Variants in DET1 observed in about 807,000 individuals in gnomAD.
DET1 encodes the protein DET1 homolog.
A neutral mutation model predicts 43.7 loss-of-function variants in DET1; 22 were observed. The observed-to-expected ratio is 0.50, with a 90% CI of 0.36 to 0.72. The LOEUF is 0.72. Ranked by LOEUF, DET1 falls within the 30% of genes least tolerant of loss-of-function variation. DET1 has a pLI of 0.00. For missense variants in DET1, 713 were observed against 713.3 expected (o/e 1.00, Z 0.00); for synonymous variants, 315 against 266.2 (o/e 1.18, Z -1.79).
downstream of DET1, among the ~76,000 whole-genome samples, chr15:88,510,284 G>A (rs2056183590): frequency 6.6e-6 from 1 of 152,142 alleles, no homozygotes. Context: ...GGAGGAAAGT[G>A]CAAATTAAGT....
At chr15:88,524,116 C>G (rs1244224353) in intron 3 of DET1, among the ~76,000 whole-genome samples, 1 of 151,972 alleles carries the variant, frequency 6.6e-6, no homozygotes, top group Non-Finnish European at 1.5e-5. Context: ...TGAGGAGTGC[C>G]TCTGCCCGGC....
At chr15:88,525,991 A>G (rs1370739315) in intron 3 of DET1, among the ~76,000 whole-genome samples, 2 of 152,104 alleles carry the variant, frequency 1.3e-5, no homozygotes, top group Admixed American at 1.3e-4. Flanking sequence ...CTTGTTAATT[A>G]TCTGCTTAAT....
chr15:88,528,793 C>T (rs578158912), intron 2 of DET1, among the ~76,000 whole-genome samples: 3 of 152,316 alleles, frequency 2.0e-5, no homozygotes, highest in South Asian at 2.1e-4. Context: ...TGGAGCCATT[C>T]GACCCACCTG....
At position 88,526,418 on chromosome 15, in the gene DET1, C is replaced by A. The variant is rs180825907; in HGVS notation, c.1271+1181G>T. ...ATTTAGGCCCTTGGCCCAAAGGAAC[C>A]ATTTGTTTCATAATAATGCACTATG... On this transcript the variant is annotated intron_variant, in intron 3 of 4. Transcript: ENST00000268148. Among the ~76,000 whole-genome samples the A allele has an allele frequency of 3.8e-3, 576 of 152,256 alleles. 4 individuals carry two copies. The highest frequency in any genetic ancestry group is 0.013 in the African/African-American group (541 of 41,518).
intron 3 of DET1, among the ~76,000 whole-genome samples, chr15:88,525,681 A>T (rs2056642239): frequency 6.6e-6 from 1 of 151,876 alleles, no homozygotes; most frequent in African/African-American, 2.4e-5. Flanking sequence ...TTTGTTTTTG[A>T]GGCAGGGTCT....
downstream of DET1, among the ~76,000 whole-genome samples, chr15:88,508,434 T>G (rs1389405510): frequency 6.6e-6 from 1 of 152,214 alleles, no homozygotes; most frequent in Non-Finnish European, 1.5e-5. Context: ...CCAGAAATTT[T>G]GGGTCTTCTG....
intron 2 of DET1, among the ~76,000 whole-genome samples, chr15:88,528,026 C>T (rs1258484919): frequency 1.3e-5 from 2 of 152,158 alleles, no homozygotes; most frequent in African/African-American, 4.8e-5. Context: ...CTCAATGTTG[C>T]CAGATTTTCC....
intron 1 of DET1, among the ~76,000 whole-genome samples, chr15:88,534,474 T>C (rs904383349): frequency 6.6e-6 from 1 of 152,152 alleles, no homozygotes; most frequent in African/African-American, 2.4e-5. Context: ...CAAGGAAGGA[T>C]AATTAAAGCC....
At chr15:88,525,307 A>G (rs1002232387) in intron 3 of DET1, among the ~76,000 whole-genome samples, 1 of 152,238 alleles carries the variant, frequency 6.6e-6, no homozygotes, top group African/African-American at 2.4e-5. Flanking sequence ...AAATCGACTT[A>G]AAAATATGTG....
intron 1 of DET1, among the ~76,000 whole-genome samples, chr15:88,539,677 C>T (rs755239105): frequency 4.8e-4 from 73 of 152,238 alleles, no homozygotes; most frequent in South Asian, 4.1e-4. Context: ...AATTTCTCAT[C>T]GGTTGTTCAG....
At chr15:88,545,174 A>C (rs1442163475) in intron 1 of DET1, among the ~76,000 whole-genome samples, 1 of 152,172 alleles carries the variant, frequency 6.6e-6, no homozygotes, top group East Asian at 1.9e-4. Context: ...TATGTACTAA[A>C]AAAAAAATTG....
At chr15:88,545,007 A>G (rs934466718) in intron 1 of DET1, among the ~76,000 whole-genome samples, 2 of 152,086 alleles carry the variant, frequency 1.3e-5, no homozygotes, top group South Asian at 4.1e-4. Flanking sequence ...GAACTCCAAA[A>G]TGTTGACTTT....
downstream of DET1, among the ~76,000 whole-genome samples, chr15:88,507,724 C>T (rs1485340024): frequency 6.6e-6 from 1 of 152,166 alleles, no homozygotes; most frequent in Non-Finnish European, 1.5e-5. Flanking sequence ...GCCCTATGAG[C>T]GTACTCAAAA....
chr15:88,535,438 G>GA (rs36091832), intron 1 of DET1, among the ~76,000 whole-genome samples: 62,584 of 143,596 alleles, frequency 0.44, 13,995 homozygotes, highest in East Asian at 0.64. Context: ...AGAATGCTAA[G>GA]AAAAAAAAAA....
intron 3 of DET1, among the ~76,000 whole-genome samples, chr15:88,525,596 C>T (rs528015989): frequency 6.6e-6 from 1 of 152,268 alleles, no homozygotes; most frequent in East Asian, 1.9e-4. Context: ...AAAATCCCTG[C>T]CCTCATGGAG....
chr15:88,508,586 C>G (rs2056166291), downstream of DET1, among the ~76,000 whole-genome samples: 1 of 152,102 alleles, frequency 6.6e-6, no homozygotes. Context: ...GGTATAGAGA[C>G]AAATCAGCTA....
chr15:88,518,076 C>T (rs761112207), intron 3 of DET1, among the ~76,000 whole-genome samples: 38 of 151,116 alleles, frequency 2.5e-4, no homozygotes, highest in Non-Finnish European at 4.9e-4. Flanking sequence ...GTAGCCAGGA[C>T]GACAGGTGCG....
rs1168101241 is a variant in DET1, at chr15:88,531,338, C to T, written c.368G>A (p.Arg123His). Residue 123 changes from arginine (R) to histidine (H), a missense_variant, in exon 2 of 5, where the codon CGC becomes CAC. Transcript: ENST00000268148. The surrounding 1 kb of genome is among the most constrained non-coding windows in gnomAD (Gnocchi z 6.2). Reference protein sequence around the residue: ...SVNIRGRLFERFFVLLHITNV... With the variant: ...SVNIRGRLFEHFFVLLHITNV... ...GGTAATGTGCAGCAGGACAAAAAAGCGTTCAAAGAGCCGGCCCCGGATATT... is the reference window on the plus strand; with the variant it reads ...GGTAATGTGCAGCAGGACAAAAAAGTGTTCAAAGAGCCGGCCCCGGATATT... 6.2e-6 allele frequency: 10 copies of T among 1,613,868 alleles called. No homozygotes were observed. The highest frequency in any genetic ancestry group is 2.2e-5 in the South Asian group (2 of 91,082).
chr15:88,527,535 C>T, intron 3 of DET1, 64 bp downstream of exon 3: 1 of 1,436,688 alleles, frequency 7.0e-7, no homozygotes, highest in Non-Finnish European at 9.3e-7. Context: ...CTAGAGACAA[C>T]AGCTATTGGC....
Sources: gnomAD v4.1 joint callset for allele counts (sites outside exome capture counted in the v4.1 genomes callset) on GRCh38, gnomAD v4.1.1 for gene constraint, Gnocchi (gnomAD v3.1) non-coding constraint, MANE v1.5 for transcripts, NCBI Gene and HGNC (gene_info 2026-07-23, HGNC 2026-07-21) for gene names.